Variants in GTF3C3 observed in about 807,000 individuals in gnomAD.
GTF3C3 encodes general transcription factor 3C polypeptide 3.
A neutral mutation model predicts 105.2 loss-of-function variants in GTF3C3; 75 were observed. The observed-to-expected ratio is 0.71, with a 90% CI of 0.59 to 0.86. The LOEUF is 0.86. GTF3C3 is among the 40% of genes least tolerant of loss of function. The pLI is 0.00. For missense variants in GTF3C3, 856 were observed against 1,076.5 expected, an observed-to-expected ratio of 0.80 and a Z score of 2.87; for synonymous variants, 335 against 370.4, an observed-to-expected ratio of 0.90 and a Z score of 1.10.
chr2:196,793,562 C>T (rs1699589783), intron 2 of GTF3C3, among the ~76,000 whole-genome samples: 3 of 152,150 alleles, frequency 2.0e-5, no homozygotes, highest in Admixed American at 6.5e-5. Flanking sequence ...AACTTCATCT[C>T]CATCTATCAC....
intron 17 of GTF3C3, 134 bp from the exon 18 acceptor site, chr2:196,764,819 A>G (rs1237544653): frequency 3.2e-6 from 2 of 624,174 alleles, no homozygotes; most frequent in African/African-American, 3.6e-5. Flanking sequence ...AAAAAAAATT[A>G]TAAAACTATG....
chr2:196,797,911 G>C lies in GTF3C3; in HGVS notation c.103-3C>G, dbSNP rs1168043155. 6.7e-7 allele frequency: 1 copy of C among 1,498,468 alleles called. No homozygotes were observed. Among genetic ancestry groups the C allele is most frequent in the South Asian group, 1.1e-5 (1 of 88,812 alleles). 92.8% of individuals were successfully genotyped at this position (1,498,468 alleles called of 1,614,324 possible). A position where few individuals can be genotyped will look rare whatever the true frequency, so the allele number is the denominator to read the frequency against. On this transcript the variant is annotated splice_region_variant and splice_polypyrimidine_tract_variant and intron_variant, in intron 1 of 17. Coordinates refer to ENST00000263956, the MANE Select transcript of GTF3C3 (RefSeq NM_012086.5). The stretch of plus-strand genomic sequence containing the variant: ...AACTTGCCTTTTTCCTGAAGACTCT[G>C]TGATTGCAAATTAATTAATGATTCC...
At chr2:196,791,266 A>T in intron 4 of GTF3C3, 71 bp downstream of exon 4, 5 of 1,459,660 alleles carry the variant, frequency 3.4e-6, no homozygotes, top group Non-Finnish European at 4.8e-6. Context: ...TAGTACTGTG[A>T]AGTGCTCCCC....
intron 16 of GTF3C3, 70 bp from the exon 17 acceptor site, chr2:196,766,787 C>G: frequency 1.7e-6 from 2 of 1,168,780 alleles, no homozygotes; most frequent in Admixed American, 2.2e-5. Flanking sequence ...CACTGTATTA[C>G]CAGGTGCTGA....
At chr2:196,775,486 G>C (rs1699245053) in intron 12 of GTF3C3, among the ~76,000 whole-genome samples, 1 of 151,938 alleles carries the variant, frequency 6.6e-6, no homozygotes. Flanking sequence ...AGCTCCCTTA[G>C]TAAGAAAAAA....
In GTF3C3 at chr2:196,766,768, G is replaced by A. The variant is rs550065190; in HGVS notation, c.2386-51C>T. On this transcript the variant is annotated intron_variant, in intron 16 of 17. Coordinates refer to ENST00000263956, the MANE Select transcript of GTF3C3 (RefSeq NM_012086.5). ...AATATTTCACTGATTTGACAATTAT[G>A]TACTAGACCACTGTATTACCAGGTG... is the stretch of plus-strand genomic sequence containing the variant. 4 of 1,401,184 alleles carry A rather than the reference G, an allele frequency of 2.9e-6. No individual in the cohort carries two copies. In the African/African-American group the frequency reaches 4.3e-5, roughly 15 times the overall value. 86.8% of individuals were successfully genotyped at this position (1,401,184 alleles called of 1,614,324 possible). A position where few individuals can be genotyped will look rare whatever the true frequency, so the allele number is the denominator to read the frequency against.
At chr2:196,764,783 CA>C in intron 17 of GTF3C3, 98 bp from the exon 18 acceptor site, 1 of 1,080,880 alleles carries the variant, frequency 9.3e-7, no homozygotes, top group South Asian at 1.6e-5. Context: ...AGTAAGTTTT[CA>C]AAAGGTATTA....
rs1172908316 is a variant in GTF3C3, at chr2:196,786,087, A to ATGT, written c.894-502_894-500dup. On this transcript the variant is annotated intron_variant, in intron 6 of 17. Transcript: ENST00000263956. This position sits in a 1 kb window ranked among gnomAD's most constrained non-coding sequence, Gnocchi z 4.2. ...TTCACCACCACCTGCCCAGCTGACC[A>ATGT]TGTTGACTGGTCTCACTCTAAACTG... Among the ~76,000 whole-genome samples the ATGT allele has an allele frequency of 6.6e-6, 1 of 152,116 alleles. No homozygotes were observed.
rs191020400 is a variant in GTF3C3, at chr2:196,763,874, G to A, written c.*689C>T. On this transcript the variant is annotated 3_prime_UTR_variant, in exon 18 of 18. Transcript: ENST00000263956. Reference sequence around the variant, plus strand: ...ACTTGCCCAGTCTTATATTACTTGTGATCTTGAAATGGAAACCATGTCCTG... The same window carrying A: ...ACTTGCCCAGTCTTATATTACTTGTAATCTTGAAATGGAAACCATGTCCTG... 4.6e-5 allele frequency: 7 copies of A among 152,172 alleles called. No individual in the cohort carries two copies. Among genetic ancestry groups the A allele is most frequent in the African/African-American group, 1.2e-4 (5 of 41,522 alleles). 9.4% of individuals were successfully genotyped at this position (152,172 alleles called of 1,614,324 possible).
chr2:196,773,542 G>A (rs2125741054), intron 13 of GTF3C3: 1 of 304,840 alleles, frequency 3.3e-6, no homozygotes, highest in East Asian at 8.7e-5. Context: ...TTTCATGCAA[G>A]GCAATTTTTC....
At chr2:196,781,353 A>ATAT (rs1376220822) in intron 8 of GTF3C3, among the ~76,000 whole-genome samples, 18 of 23,134 alleles carry the variant, frequency 7.8e-4, no homozygotes, top group Admixed American at 2.7e-3. Context: ...AAAAAAAAAA[A>ATAT]AAAAATATAT....
intron 13 of GTF3C3, 84 bp downstream of exon 13, chr2:196,775,032 A>G (rs1350765915): frequency 5.5e-6 from 5 of 909,258 alleles, no homozygotes; most frequent in South Asian, 1.8e-5. Context: ...TATATTTTCA[A>G]TTAGATTGCT....
intron 9 of GTF3C3, 147 bp from the exon 10 acceptor site, chr2:196,779,214 G>A: frequency 1.6e-6 from 1 of 633,386 alleles, no homozygotes; most frequent in Non-Finnish European, 2.7e-6. Flanking sequence ...TGCAACCTCT[G>A]CTTGCTGGGT....
rs756326842 is a variant in GTF3C3, at chr2:196,785,360, G to A, written c.1041+81C>T. 19 of 1,130,726 alleles carry A rather than the reference G, an allele frequency of 1.7e-5. No homozygotes were observed. In the Admixed American group the frequency reaches 2.0e-4, roughly 12 times the overall value. The allele number at this position is 1,130,726 out of a possible 1,614,324, so 70.0% of individuals were successfully genotyped here. On this transcript the variant is annotated intron_variant, in intron 7 of 17. Transcript: ENST00000263956. ...AATATATACATAATTTAACTAAAAC[G>A]AAGAACTGCCAATTTTTAAGAATTT...
chr2:196,799,545 G>T lies in GTF3C3; in HGVS notation c.67C>A (p.Arg23=), dbSNP rs776140731. Residue 23 remains arginine, a synonymous_variant, in exon 1 of 18, where the codon CGG becomes AGG. Coordinates refer to ENST00000263956, the MANE Select transcript of GTF3C3 (RefSeq NM_012086.5). ...EGKISFEEFE[R]RREERKTREK... ...CGGGTTTTTCTCTCTTCTCTCCGCC[G>T]TTCGAACTCCTCAAAGGAGATTTTC... The T allele has an allele frequency of 6.2e-7, 1 of 1,613,990 alleles. No individual in the cohort carries two copies. Among genetic ancestry groups the T allele is most frequent in the Non-Finnish European group, 8.5e-7 (1 of 1,179,998 alleles).
rs1318794431 is a variant in GTF3C3 at position 196,778,918 on chromosome 2, T to C, written c.1368A>G (p.Ala456=). Residue 456 remains alanine (A), a synonymous_variant, in exon 10 of 18, where the codon GCA becomes GCG. Coordinates refer to ENST00000263956, the MANE Select transcript of GTF3C3 (RefSeq NM_012086.5). ...ALVCSERYNL[A]VVWLRHAECL... ...TACCTGCATGACGAAGCCAAACTAC[T>C]GCAAGGTTGTATCTTTCAGAGCAAA... The C allele has an allele frequency of 3.7e-6, 6 of 1,613,960 alleles. No individual in the cohort carries two copies. The South Asian group carries it at 4.4e-5, about 12-fold the overall frequency.
At chr2:196,772,353 A>G (rs989038054) in intron 14 of GTF3C3, among the ~76,000 whole-genome samples, 2 of 152,116 alleles carry the variant, frequency 1.3e-5, no homozygotes, top group African/African-American at 4.8e-5. Context: ...GTTGGAGACC[A>G]GCCTGACCAA....
chr2:196,794,536 G>C (rs2125752130), intron 2 of GTF3C3, among the ~76,000 whole-genome samples: 1 of 151,216 alleles, frequency 6.6e-6, no homozygotes, highest in Non-Finnish European at 1.5e-5. Context: ...CCAGATTCAA[G>C]CAATTCTCCT....
At chr2:196,794,471 G>A (rs977392067) in intron 2 of GTF3C3, among the ~76,000 whole-genome samples, 2 of 152,028 alleles carry the variant, frequency 1.3e-5, no homozygotes, top group African/African-American at 2.4e-5. Context: ...AGTTTTCCTC[G>A]TTTCCCAGGC....
Sources: gnomAD v4.1 joint callset for allele counts (sites outside exome capture counted in the v4.1 genomes callset) on GRCh38, gnomAD v4.1.1 for gene constraint, Gnocchi (gnomAD v3.1) non-coding constraint, MANE v1.5 for transcripts, NCBI Gene and HGNC (gene_info 2026-07-23, HGNC 2026-07-21) for gene names.